The following ASH1L variants were observed in gnomAD, a reference collection of about 807,000 sequenced individuals.
The protein encoded by ASH1L is histone-lysine N-methyltransferase ASH1L.
Under a neutral mutation model 269.0 loss-of-function variants are expected in ASH1L, and 23 were observed. The ratio of observed to expected loss-of-function variants is 0.09; its 90% CI spans 0.06 to 0.12. The LOEUF (loss-of-function observed/expected upper bound fraction) is 0.12. Ranked by LOEUF, ASH1L falls within the 10% of genes least tolerant of loss-of-function variation. ASH1L has a pLI of 1.00. For missense variants in ASH1L, 2,912 were observed against 3,567.8 expected (o/e 0.82, Z 4.68); for synonymous variants, 1,187 against 1,253.5 (o/e 0.95, Z 1.12).
chr1:155,475,531 C>G (rs1381766139), intron 3 of ASH1L, among the ~76,000 whole-genome samples: 2 of 152,194 alleles, frequency 1.3e-5, no homozygotes, highest in Admixed American at 6.5e-5. Context: ...GCCCTTTAAT[C>G]TGTATCATAA....
At chr1:155,547,971 G>A (rs192495075) in intron 1 of ASH1L, among the ~76,000 whole-genome samples, 1 of 152,240 alleles carries the variant, frequency 6.6e-6, no homozygotes, top group Non-Finnish European at 1.5e-5. Context: ...GCGAGACTCC[G>A]TCTCAAAAAA....
intron 1 of ASH1L, among the ~76,000 whole-genome samples, chr1:155,547,763 G>C (rs1670930682): frequency 6.6e-6 from 1 of 151,706 alleles, no homozygotes; most frequent in East Asian, 1.9e-4. Context: ...ATGAAGTCAG[G>C]AGATTGAGAC....
At chr1:155,358,222 T>C (rs1654588110) in intron 13 of ASH1L, among the ~76,000 whole-genome samples, 1 of 152,110 alleles carries the variant, frequency 6.6e-6, no homozygotes, top group Non-Finnish European at 1.5e-5. Flanking sequence ...TCCACTGGAA[T>C]AGAAATGATG....
At chr1:155,414,474 T>C (rs1402951066) in intron 6 of ASH1L, among the ~76,000 whole-genome samples, 3 of 152,248 alleles carry the variant, frequency 2.0e-5, no homozygotes, top group African/African-American at 7.2e-5. Context: ...CACACTCGGC[T>C]AATTTTGTAT....
chr1:155,434,007 T>G, intron 5 of ASH1L: 1 of 1,588,684 alleles, frequency 6.3e-7, no homozygotes, highest in Non-Finnish European at 8.6e-7. Context: ...GTGGTCCGAG[T>G]GTGGTTCTGT....
chr1:155,504,146 T>A (rs1018851795), intron 2 of ASH1L, among the ~76,000 whole-genome samples: 3 of 152,234 alleles, frequency 2.0e-5, no homozygotes, highest in Admixed American at 2.0e-4. Context: ...GTTTGGGATA[T>A]GGAAAGGTAG....
At chr1:155,385,737 G>A (rs1657375497) in intron 7 of ASH1L, among the ~76,000 whole-genome samples, 1 of 152,108 alleles carries the variant, frequency 6.6e-6, no homozygotes, top group African/African-American at 2.4e-5. Flanking sequence ...ATTTTAGCTG[G>A]CTTTTTCTGA....
chr1:155,545,306 G>A (rs1670732650), intron 1 of ASH1L, among the ~76,000 whole-genome samples: 1 of 143,946 alleles, frequency 6.9e-6, no homozygotes, highest in Non-Finnish European at 1.5e-5. Flanking sequence ...ATTTTAGAAA[G>A]TAATATTTAT....
At chr1:155,486,528 A>T (rs1475637585) in intron 2 of ASH1L, among the ~76,000 whole-genome samples, 1 of 152,192 alleles carries the variant, frequency 6.6e-6, no homozygotes, top group Non-Finnish European at 1.5e-5. Flanking sequence ...ATTTTGAAAT[A>T]ACTAAAAGAG....
At chr1:155,449,161 CTT>C (rs949204413) in intron 4 of ASH1L, among the ~76,000 whole-genome samples, 13 of 152,110 alleles carry the variant, frequency 8.5e-5, no homozygotes, top group African/African-American at 2.9e-4. Context: ...GTCTCGATCT[CTT>C]GACCTCATGA....
In ASH1L at chr1:155,449,951, T is replaced by C. The variant is rs1333178699; in HGVS notation, c.5086+9846A>G. ...ACGTCCTTTAGTGTTTCTGCTACTG[T>C]AGGTCTACTGGCAACAAATTCTTTA... On this transcript the variant is annotated intron_variant, in intron 4 of 27. Coordinates refer to ENST00000392403, the MANE Select transcript of ASH1L (RefSeq NM_018489.3). Among the ~76,000 whole-genome samples the C allele has an allele frequency of 2.0e-5, 3 of 152,366 alleles. No homozygotes were observed. In the East Asian group the frequency reaches 5.8e-4, roughly 29 times the overall value.
chr1:155,553,739 A>G (rs561290216), intron 1 of ASH1L, among the ~76,000 whole-genome samples: 1 of 152,292 alleles, frequency 6.6e-6, no homozygotes, highest in African/African-American at 2.4e-5. Flanking sequence ...GTTTGTTAAC[A>G]TAGGCAAATG....
intron 3 of ASH1L, among the ~76,000 whole-genome samples, chr1:155,472,279 G>T (rs1461106720): frequency 1.3e-5 from 2 of 152,130 alleles, no homozygotes; most frequent in African/African-American, 4.8e-5. Flanking sequence ...GACAGAGAGA[G>T]ACTCCATCTC....
At position 155,478,490 on chromosome 1, in the gene ASH1L, G is replaced by T. The variant is rs758511149; in HGVS notation, c.4380C>A (p.Leu1460=). 6 of 1,614,034 alleles carry T rather than the reference G, an allele frequency of 3.7e-6. No homozygotes were observed. The highest frequency in any genetic ancestry group is 1.3e-5 in the African/African-American group (1 of 74,924). The stretch of plus-strand genomic sequence containing the variant: ...CACTGGGGTAGGTACTCATGGAAAG[G>T]AGGGGAGTCCTGCTGGTTGTAAGAA... ...EAFLTTSRTP[L]LSMSTYPSVP... is the part of the protein sequence containing the mutation. Residue 1460 remains leucine (L), a synonymous_variant, in exon 3 of 28, where the codon CTC becomes CTA. Coordinates refer to ENST00000392403, the MANE Select transcript of ASH1L (RefSeq NM_018489.3). The surrounding 1 kb of genome is among the most constrained non-coding windows in gnomAD (Gnocchi z 4.6).
At chr1:155,459,700 C>T in intron 4 of ASH1L, 97 bp downstream of exon 4, 2 of 914,462 alleles carry the variant, frequency 2.2e-6, no homozygotes, top group South Asian at 2.9e-5. Flanking sequence ...ATATATGATA[C>T]AGTCCCCATT....
At chr1:155,421,060 G>A (rs1364832813) in intron 5 of ASH1L, among the ~76,000 whole-genome samples, 2 of 151,128 alleles carry the variant, frequency 1.3e-5, no homozygotes, top group East Asian at 3.9e-4. Context: ...AACATAGTCA[G>A]ACCCCATCTT....
chr1:155,542,182 A>G (rs1266403693), intron 1 of ASH1L, among the ~76,000 whole-genome samples: 1 of 152,206 alleles, frequency 6.6e-6, no homozygotes, highest in Non-Finnish European at 1.5e-5. Context: ...ACTGATCTCA[A>G]TCTTTAGGGA....
chr1:155,337,962 G>T, intron 27 of ASH1L, 127 bp downstream of exon 27: 1 of 1,119,424 alleles, frequency 8.9e-7, no homozygotes, highest in Non-Finnish European at 1.3e-6. Flanking sequence ...CTAAAAGCAA[G>T]CCTATAAAAG....
At chr1:155,472,912 C>T (rs952142678) in intron 3 of ASH1L, among the ~76,000 whole-genome samples, 1 of 152,136 alleles carries the variant, frequency 6.6e-6, no homozygotes, top group Non-Finnish European at 1.5e-5. Context: ...CTCAGAGCTA[C>T]CCAAGGCTGT....
Sources: allele counts gnomAD v4.1 joint callset (sites outside exome capture counted in the v4.1 genomes callset), GRCh38; gene constraint gnomAD v4.1.1; non-coding constraint Gnocchi (gnomAD v3.1); transcripts MANE v1.5; gene names NCBI Gene and HGNC (gene_info 2026-07-23, HGNC 2026-07-21).